DMRTC2: variants seen among roughly 807,000 people sequenced by gnomAD.
DMRTC2 encodes DMRT like family C2, also known as doublesex- and mab-3-related transcription factor C2.
DMRTC2 carries 13 observed loss-of-function variants against 39.9 expected under a neutral mutation model. The ratio of observed to expected loss-of-function variants is 0.33; its 90% confidence interval spans 0.21 to 0.52. The LOEUF (loss-of-function observed/expected upper bound fraction) is 0.52. Among genes scored for constraint, DMRTC2 ranks in the 20% least tolerant of loss-of-function variants. The probability of loss-of-function intolerance (pLI) is 0.96; values close to 1 mark genes in which losing one functional copy is unlikely to be tolerated. For synonymous variants in DMRTC2, 189 were observed against 185.2 expected (o/e 1.02, Z -0.17); for missense variants, 431 against 472.8 (o/e 0.91, Z 0.82).
At chr19:41,846,239 G>T (rs960079926) in intron 1 of DMRTC2, among the ~76,000 whole-genome samples, 2 of 152,182 alleles carry the variant, frequency 1.3e-5, no homozygotes. Flanking sequence ...TGAGAGTGGG[G>T]TGAGCATTGT....
rs781819551 is a variant in DMRTC2, at chr19:41,851,553, C to A, written c.992-31C>A. 5 of 1,593,710 alleles carry A rather than the reference C, an allele frequency of 3.1e-6. No homozygotes were observed. In the African/African-American group the frequency reaches 4.0e-5, roughly 13 times the overall value. ...TTGCTAGAAGGAAAAACAGGTGTGACCTGATCCTGCCCCTTCCTTCTTGCC... is the reference window on the plus strand; with the variant it reads ...TTGCTAGAAGGAAAAACAGGTGTGAACTGATCCTGCCCCTTCCTTCTTGCC... On this transcript the variant is annotated intron_variant, in intron 8 of 8. Transcript: ENST00000269945.
intron 1 of DMRTC2, among the ~76,000 whole-genome samples, chr19:41,846,265 G>A (rs2123201351): frequency 6.6e-6 from 1 of 152,316 alleles, no homozygotes; most frequent in Non-Finnish European, 1.5e-5. Context: ...AGGATGCCAG[G>A]AAACACTGTT....
chr19:41,846,343 T>C (rs1308493148), intron 1 of DMRTC2, among the ~76,000 whole-genome samples: 1 of 151,960 alleles, frequency 6.6e-6, no homozygotes, highest in Non-Finnish European at 1.5e-5. Context: ...AGGACATGAG[T>C]AGGTTGGAAC....
intron 1 of DMRTC2, 158 bp from the exon 2 acceptor site, chr19:41,847,267 T>G: frequency 1.0e-6 from 1 of 982,120 alleles, no homozygotes; most frequent in Non-Finnish European, 1.2e-6. Flanking sequence ...CTGAGAAATG[T>G]CATGGGGTAA....
intron 3 of DMRTC2, 82 bp downstream of exon 3, chr19:41,847,963 G>A: frequency 6.7e-7 from 1 of 1,492,266 alleles, no homozygotes; most frequent in Non-Finnish European, 8.9e-7. Flanking sequence ...TCCTGCTGCT[G>A]AATTGGTGTA....
At chr19:41,845,905 G>A (rs909329801) in intron 1 of DMRTC2, among the ~76,000 whole-genome samples, 2 of 152,156 alleles carry the variant, frequency 1.3e-5, no homozygotes, top group Non-Finnish European at 2.9e-5. Flanking sequence ...CCAGCTACTG[G>A]GGAGGCTGCG....
chr19:41,846,773 T>C (rs2073859896), intron 1 of DMRTC2, among the ~76,000 whole-genome samples: 1 of 151,876 alleles, frequency 6.6e-6, no homozygotes, highest in Non-Finnish European at 1.5e-5. Flanking sequence ...TTCACTGTGT[T>C]AGCCAGGATG....
At position 41,849,133 on chromosome 19, in the gene DMRTC2, T is replaced by C; in HGVS notation, c.632T>C (p.Phe211Ser). The change falls in exon 6 of 9, where the codon TTT becomes TCT. Residue 211 changes from phenylalanine to serine, a missense_variant. Transcript: ENST00000269945. ...TGCATTCTTTTATTCTTATTAGGCT[T>C]TGACCCTGGCACCTCCCTCCAGCTG... ...PAVSLPPFPGFDPGTSLQLPT... is the reference protein window; with the variant it reads ...PAVSLPPFPGSDPGTSLQLPT... 1 of 1,614,206 alleles carries C rather than the reference T, an allele frequency of 6.2e-7. No homozygotes were observed. The highest frequency in any genetic ancestry group is 8.5e-7 in the Non-Finnish European group (1 of 1,180,024).
Position 41,850,304 on chromosome 19 carries a change from G to A in DMRTC2, c.756-8G>A, listed in dbSNP as rs781944368. 1 of 1,488,374 alleles carries A rather than the reference G, an allele frequency of 6.7e-7. No individual in the cohort carries two copies. The highest frequency in any genetic ancestry group is 2.4e-5 in the Admixed American group (1 of 41,438). The allele number at this position is 1,488,374 out of a possible 1,614,324, so 92.2% of individuals were successfully genotyped here. ...AACCACCCTGGCATCTTCTCTCCTT[G>A]TTTCTAGACACTCAACTCTGATACT... On this transcript the variant is annotated splice_polypyrimidine_tract_variant and splice_region_variant and intron_variant, in intron 6 of 8. Coordinates refer to ENST00000269945, the MANE Select transcript of DMRTC2 (RefSeq NM_001040283.3).
In DMRTC2 at chr19:41,847,503, C is replaced by T. The variant is rs782504508; in HGVS notation, c.75C>T (p.Pro25=). Residue 25 remains proline, a synonymous_variant, in exon 2 of 9, where the codon CCC becomes CCT. Transcript: ENST00000269945. ...CCCCCTGGGATGAGACCAGAGACCC[C>T]CAGAGCACAGAGCTGATCCCCAGGA... ...DSAPWDETRD[P]QSTELIPRRA... is the part of the protein sequence containing the mutation. 7 of 1,613,748 alleles carry T rather than the reference C, an allele frequency of 4.3e-6. No individual in the cohort carries two copies. In the Admixed American group the frequency reaches 8.3e-5, roughly 19 times the overall value.
At chr19:41,848,200 G>T (rs1398078515) in intron 3 of DMRTC2, among the ~76,000 whole-genome samples, 3 of 152,166 alleles carry the variant, frequency 2.0e-5, no homozygotes, top group Non-Finnish European at 4.4e-5. Flanking sequence ...ACAAAAATTA[G>T]CTGGGCTTGG....
rs1555836277 is a variant in DMRTC2, at chr19:41,847,614, C to T, written c.186C>T (p.Leu62=). The change falls in exon 2 of 9, where the codon CTC becomes CTT. Residue 62 remains leucine, a synonymous_variant. Coordinates refer to ENST00000269945, the MANE Select transcript of DMRTC2 (RefSeq NM_001040283.3). ...TCAAGGGCCACAAGCGCCTCTGCCT[C>T]TTCCAGGCTTGCGAGTGTCACAAAT... The part of the protein sequence containing the change: ...AHLKGHKRLC[L]FQACECHKCV... 1 of 1,614,252 alleles carries T rather than the reference C, an allele frequency of 6.2e-7. No homozygotes were observed. Among genetic ancestry groups the T allele is most frequent in the African/African-American group, 1.3e-5 (1 of 75,074 alleles).
chr19:41,848,038 G>A (rs2073892245), intron 3 of DMRTC2, among the ~76,000 whole-genome samples, 157 bp downstream of exon 3: 1 of 152,178 alleles, frequency 6.6e-6, no homozygotes, highest in African/African-American at 2.4e-5. Context: ...AGAATGCAGC[G>A]AGTTCTGTGG....
Position 41,851,839 on chromosome 19 carries a change from T to A in DMRTC2, c.*143T>A. On this transcript the variant is annotated 3_prime_UTR_variant, in exon 9 of 9. Transcript: ENST00000269945. ...GCTTTTTTGTTTGTTTGTTTGTTTG[T>A]TTGTTTAAGCTTTCAGGTGCTTCAT... 1.4e-6 allele frequency: 1 copy of A among 732,122 alleles called. No individual in the cohort carries two copies. 45.4% of individuals were successfully genotyped at this position (732,122 alleles called of 1,614,324 possible). A position where few individuals can be genotyped will look rare whatever the true frequency, so the allele number is the denominator to read the frequency against.
intron 5 of DMRTC2, 30 bp from the exon 6 acceptor site, chr19:41,849,100 A>G (rs1264367627): frequency 1.2e-6 from 2 of 1,614,012 alleles, no homozygotes; most frequent in Non-Finnish European, 8.5e-7. Flanking sequence ...CTTGGCCCCT[A>G]TACACTCTGC....
At chr19:41,847,982 A>T in intron 3 of DMRTC2, 101 bp downstream of exon 3, 1 of 1,429,756 alleles carries the variant, frequency 7.0e-7, no homozygotes, top group South Asian at 1.4e-5. Context: ...TACGACCTTG[A>T]ACTAAGGGTT....
chr19:41,850,588 G>A lies in DMRTC2; in HGVS notation c.879G>A (p.Glu293=), dbSNP rs999127669. 4.3e-6 allele frequency: 7 copies of A among 1,613,602 alleles called. No individual in the cohort carries two copies. The Admixed American group carries it at 1.0e-4, about 23-fold the overall frequency. ...CCTCAGAGTGGCAGCTGCAGCAAGA[G>A]GCAGCTGAAGCCCTCGTGGGGCTGA... ...SGPSEWQLQQ[E]AAEALVGLKD... The change falls in exon 8 of 9, where the codon GAG becomes GAA. Residue 293 remains glutamate (E), a synonymous_variant. Transcript: ENST00000269945.
chr19:41,846,986 GCCAA>G (rs2073868304), intron 1 of DMRTC2, among the ~76,000 whole-genome samples: 1 of 151,780 alleles, frequency 6.6e-6, no homozygotes, highest in Non-Finnish European at 1.5e-5. Flanking sequence ...GACCAGCCTG[GCCAA>G]CATGGTGAAA....
chr19:41,849,877 T>C (rs1555836919), intron 6 of DMRTC2, among the ~76,000 whole-genome samples: 1 of 152,114 alleles, frequency 6.6e-6, no homozygotes, highest in East Asian at 1.9e-4. Context: ...GCCAAGAGTT[T>C]GAGACCACCT....
Sources: gnomAD v4.1 joint callset for allele counts (sites outside exome capture counted in the v4.1 genomes callset) on GRCh38, gnomAD v4.1.1 for gene constraint, MANE v1.5 for transcripts, NCBI Gene and HGNC (gene_info 2026-07-23, HGNC 2026-07-21) for gene names.